PALM2AKAP2: variants seen among roughly 807,000 people sequenced by gnomAD.
PALM2AKAP2 encodes PALM2-AKAP2 fusion protein.
A neutral mutation model predicts 71.5 loss-of-function variants in PALM2AKAP2; 37 were observed. The observed-to-expected ratio is 0.52, with a 90% CI of 0.40 to 0.68. The LOEUF (loss-of-function observed/expected upper bound fraction) is 0.68. Among genes scored for constraint, PALM2AKAP2 ranks in the 30% least tolerant of loss-of-function variants. PALM2AKAP2 has a pLI of 0.00. For missense variants in PALM2AKAP2, 1,224 were observed against 1,191.8 expected, an observed-to-expected ratio of 1.03 and a Z score of -0.40; for synonymous variants, 468 against 478.8, an observed-to-expected ratio of 0.98 and a Z score of 0.29.
intron 1 of PALM2AKAP2, among the ~76,000 whole-genome samples, chr9:110,058,788 C>G (rs1412310081): frequency 3.3e-5 from 5 of 152,028 alleles, no homozygotes; most frequent in Admixed American, 6.6e-5. Flanking sequence ...TCCCCTGTCT[C>G]TCTCCCTTTT....
intron 6 of PALM2AKAP2, among the ~76,000 whole-genome samples, chr9:109,962,386 T>G (rs980915794): frequency 2.0e-5 from 3 of 152,216 alleles, no homozygotes; most frequent in Admixed American, 2.0e-4. Flanking sequence ...AATGTGGTCC[T>G]CTGCCTGTTT....
chr9:109,798,246 A>G (rs1455076010), intron 1 of PALM2AKAP2, among the ~76,000 whole-genome samples: 1 of 152,230 alleles, frequency 6.6e-6, no homozygotes, highest in East Asian at 1.9e-4. Flanking sequence ...GACTTCTGAA[A>G]GGACCCTGAC....
chr9:109,894,105 G>A (rs1830147184), intron 3 of PALM2AKAP2, among the ~76,000 whole-genome samples: 1 of 151,924 alleles, frequency 6.6e-6, no homozygotes, highest in Admixed American at 6.5e-5. Context: ...GGGAGGCCGA[G>A]GCAGGTGGAT....
chr9:109,984,068 G>A (rs895366605), intron 6 of PALM2AKAP2, among the ~76,000 whole-genome samples: 1 of 152,162 alleles, frequency 6.6e-6, no homozygotes, highest in Non-Finnish European at 1.5e-5. Context: ...TACCTAATGT[G>A]TATACGACTT....
intron 1 of PALM2AKAP2, among the ~76,000 whole-genome samples, chr9:109,806,254 A>G (rs1827569846): frequency 6.6e-6 from 1 of 152,262 alleles, no homozygotes; most frequent in Non-Finnish European, 1.5e-5. Flanking sequence ...TGGTCTTTCC[A>G]AAACAGTTTT....
At chr9:110,058,473 A>G (rs1833892706) in intron 1 of PALM2AKAP2, among the ~76,000 whole-genome samples, 1 of 152,122 alleles carries the variant, frequency 6.6e-6, no homozygotes, top group African/African-American at 2.4e-5. Flanking sequence ...TTTTATTCCT[A>G]AGACTTGCCC....
intron 1 of PALM2AKAP2, among the ~76,000 whole-genome samples, chr9:110,127,341 AG>A (rs888713827): frequency 1.3e-5 from 2 of 152,058 alleles, no homozygotes; most frequent in African/African-American, 4.8e-5. Flanking sequence ...TTGCCCCAGG[AG>A]TGCTTGAGGT....
intron 1 of PALM2AKAP2, among the ~76,000 whole-genome samples, chr9:109,813,947 C>A (rs554594074): frequency 1.3e-5 from 2 of 152,362 alleles, no homozygotes; most frequent in South Asian, 2.1e-4. Context: ...TCCCAGCATC[C>A]TTCTTGCTGG....
chr9:110,085,924 T>C (rs936772312), intron 1 of PALM2AKAP2, among the ~76,000 whole-genome samples: 2 of 151,946 alleles, frequency 1.3e-5, no homozygotes, highest in Non-Finnish European at 2.9e-5. Context: ...CTGGCCAAAA[T>C]GTTGAAACCC....
intron 1 of PALM2AKAP2, among the ~76,000 whole-genome samples, chr9:109,641,480 G>A (rs1378912416): frequency 6.6e-6 from 1 of 152,248 alleles, no homozygotes; most frequent in Non-Finnish European, 1.5e-5. Context: ...CGTGAATACG[G>A]CATGGATGGG....
At chr9:109,955,244 T>C (rs770458952) in intron 6 of PALM2AKAP2, among the ~76,000 whole-genome samples, 15 of 152,190 alleles carry the variant, frequency 9.9e-5, no homozygotes, top group Admixed American at 3.9e-4. Flanking sequence ...TTGTACTGTG[T>C]TGGGATTCAA....
intron 1 of PALM2AKAP2, among the ~76,000 whole-genome samples, chr9:109,843,772 A>G (rs1322954817): frequency 6.6e-6 from 1 of 152,118 alleles, no homozygotes; most frequent in Non-Finnish European, 1.5e-5. Context: ...TGGCAGCACT[A>G]CCTCGGCCTG....
intron 6 of PALM2AKAP2, among the ~76,000 whole-genome samples, chr9:109,990,067 C>CTTTTTTT (rs35739397): frequency 6.8e-4 from 91 of 134,072 alleles, no homozygotes; most frequent in Non-Finnish European, 9.4e-4. Flanking sequence ...TTCTTTCTTT[C>CTTTTTTT]TTTTTTTTTT....
intron 6 of PALM2AKAP2, among the ~76,000 whole-genome samples, chr9:109,993,850 C>G (rs1832526620): frequency 6.6e-6 from 1 of 151,724 alleles, no homozygotes; most frequent in Admixed American, 6.6e-5. Flanking sequence ...CTCTCCCCCT[C>G]TTTTTCTCCC....
intron 1 of PALM2AKAP2, chr9:110,090,548 T>C (rs1564298939): frequency 7.3e-6 from 3 of 409,078 alleles, no homozygotes; most frequent in South Asian, 1.8e-5. Flanking sequence ...ACTCAAGGCA[T>C]TGAGTCACCC....
At chr9:110,106,753 G>T (rs1370956138) in intron 1 of PALM2AKAP2, among the ~76,000 whole-genome samples, 1 of 152,164 alleles carries the variant, frequency 6.6e-6, no homozygotes, top group East Asian at 1.9e-4. Context: ...TGCACAAGGG[G>T]ATATGTGCAT....
intron 1 of PALM2AKAP2, among the ~76,000 whole-genome samples, chr9:110,101,623 G>T (rs1435434664): frequency 1.3e-5 from 2 of 152,130 alleles, no homozygotes; most frequent in Non-Finnish European, 2.9e-5. Flanking sequence ...GGTGCAAACA[G>T]CGGCCGCCTT....
At chr9:109,742,266 C>G (rs1377735348) in intron 1 of PALM2AKAP2, among the ~76,000 whole-genome samples, 2 of 23,278 alleles carry the variant, frequency 8.6e-5, no homozygotes, top group African/African-American at 6.4e-4. Flanking sequence ...CACACACACA[C>G]ACACACACAC....
At chr9:109,778,572 G>A (rs1829381517), upstream of PALM2AKAP2, among the ~76,000 whole-genome samples, 1 of 152,130 alleles carries the variant, frequency 6.6e-6, no homozygotes, top group Non-Finnish European at 1.5e-5. Context: ...TAAACAATCA[G>A]CTCCACCTAC....
Sources: gnomAD v4.1 joint callset for allele counts (sites outside exome capture counted in the v4.1 genomes callset) on GRCh38, gnomAD v4.1.1 for gene constraint, MANE v1.5 for transcripts, NCBI Gene and HGNC (gene_info 2026-07-23, HGNC 2026-07-21) for gene names.